The following PPM1E variants were observed in gnomAD, a reference collection of about 807,000 sequenced individuals.
PPM1E encodes protein phosphatase, Mg2+/Mn2+ dependent 1E, also known as protein phosphatase 1E.
PPM1E carries 20 observed loss-of-function variants against 65.9 expected under a neutral mutation model. The ratio of observed to expected loss-of-function variants is 0.30; its 90% CI spans 0.21 to 0.44. PPM1E has a LOEUF of 0.44. PPM1E is among the 20% of genes least tolerant of loss of function. The probability of loss-of-function intolerance (pLI) is 1.00; values close to 1 mark genes in which losing one functional copy is unlikely to be tolerated. For missense variants in PPM1E, 713 were observed against 953.1 expected (o/e 0.75, Z 3.32); for synonymous variants, 352 against 374.9 (o/e 0.94, Z 0.70).
intron 1 of PPM1E, among the ~76,000 whole-genome samples, chr17:58,858,706 A>G (rs2050909203): frequency 6.6e-6 from 1 of 151,974 alleles, no homozygotes; most frequent in South Asian, 2.1e-4. Flanking sequence ...TTCTTTATCT[A>G]TTATCTATTG....
intron 1 of PPM1E, among the ~76,000 whole-genome samples, chr17:58,760,733 T>C (rs900914066): frequency 7.2e-5 from 11 of 152,178 alleles, no homozygotes; most frequent in African/African-American, 1.4e-4. Flanking sequence ...AAATTTCAAA[T>C]GAAGATGCTA....
At chr17:58,815,851 CT>C (rs1326224705) in intron 1 of PPM1E, among the ~76,000 whole-genome samples, 1 of 152,012 alleles carries the variant, frequency 6.6e-6, no homozygotes, top group Admixed American at 6.6e-5. Flanking sequence ...GTCATTTTAA[CT>C]GTGGAATAAA....
intron 1 of PPM1E, among the ~76,000 whole-genome samples, chr17:58,916,349 C>T (rs1034683275): frequency 2.6e-5 from 4 of 152,130 alleles, no homozygotes; most frequent in African/African-American, 9.7e-5. Context: ...TGTCCTGTTT[C>T]CCTGATCCCA....
At chr17:58,928,698 A>G (rs966539919) in intron 1 of PPM1E, among the ~76,000 whole-genome samples, 2 of 148,068 alleles carry the variant, frequency 1.4e-5, no homozygotes, top group Non-Finnish European at 3.0e-5. Context: ...TTACTCACAC[A>G]CGAATTTTTT....
rs565500593 is a variant in PPM1E at position 58,878,817 on chromosome 17, C to T, written c.465-76832C>T. Among the ~76,000 whole-genome samples, 3 of 151,232 alleles carry T rather than the reference C, an allele frequency of 2.0e-5. No homozygotes were observed. The East Asian group carries it at 6.0e-4, about 30-fold the overall frequency. On this transcript the variant is annotated intron_variant, in intron 1 of 6. Coordinates refer to ENST00000308249, the MANE Select transcript of PPM1E (RefSeq NM_014906.5). Reference sequence around the variant, plus strand: ...CGTGGTGGTGCATTGCCTGTAGTCCCAGCTACTCAGGAGGCTGAGGCAGGA... The same window carrying T: ...CGTGGTGGTGCATTGCCTGTAGTCCTAGCTACTCAGGAGGCTGAGGCAGGA...
chr17:58,759,882 T>G (rs1359273297), intron 1 of PPM1E, among the ~76,000 whole-genome samples: 2 of 152,238 alleles, frequency 1.3e-5, no homozygotes, highest in Non-Finnish European at 2.9e-5. Flanking sequence ...ATCATTAAAC[T>G]TTATCTAATT....
At chr17:58,779,843 A>G (rs1157992334) in intron 1 of PPM1E, among the ~76,000 whole-genome samples, 3 of 152,164 alleles carry the variant, frequency 2.0e-5, no homozygotes, top group African/African-American at 4.8e-5. Flanking sequence ...TTTCCTAAAC[A>G]TAATGTGATT....
intron 6 of PPM1E, among the ~76,000 whole-genome samples, chr17:58,979,096 G>A (rs2031207039): frequency 6.6e-6 from 1 of 152,154 alleles, no homozygotes. Flanking sequence ...GTGAGAGGAC[G>A]AAGCTAAGCA....
intron 1 of PPM1E, among the ~76,000 whole-genome samples, chr17:58,888,281 A>G (rs969398821): frequency 3.7e-5 from 5 of 134,740 alleles, no homozygotes; most frequent in African/African-American, 8.7e-5. Flanking sequence ...TATACATACA[A>G]TGAAAACTTC....
chr17:58,816,780 ATATATATATATATATTTTTT>A (rs1434397000), intron 1 of PPM1E, among the ~76,000 whole-genome samples: 11 of 9,106 alleles, frequency 1.2e-3, no homozygotes, highest in East Asian at 6.3e-3. Context: ...ATATATATAT[ATATATATATATATATTTTTT>A]TTTTTTTTTT....
At chr17:58,887,309 C>T (rs1179288216) in intron 1 of PPM1E, among the ~76,000 whole-genome samples, 3 of 151,966 alleles carry the variant, frequency 2.0e-5, no homozygotes, top group African/African-American at 4.8e-5. Context: ...AGATTACAGG[C>T]ATGCGCCACC....
intron 1 of PPM1E, among the ~76,000 whole-genome samples, chr17:58,830,310 A>G (rs1012469952): frequency 6.6e-6 from 1 of 150,706 alleles, no homozygotes; most frequent in Non-Finnish European, 1.5e-5. Context: ...TATTATTATT[A>G]TTATTATTAT....
chr17:58,949,127 C>A (rs540877959), intron 1 of PPM1E, among the ~76,000 whole-genome samples: 1 of 152,318 alleles, frequency 6.6e-6, no homozygotes, highest in East Asian at 1.9e-4. Context: ...GTATTGGCAT[C>A]TGTCTCTTCC....
chr17:58,886,349 A>T (rs865908627), intron 1 of PPM1E, among the ~76,000 whole-genome samples: 1 of 152,214 alleles, frequency 6.6e-6, no homozygotes, highest in African/African-American at 2.4e-5. Context: ...TACACCTGGA[A>T]AAAGTAGTCC....
chr17:58,768,960 C>T (rs1285784889), intron 1 of PPM1E, among the ~76,000 whole-genome samples: 4 of 152,156 alleles, frequency 2.6e-5, no homozygotes, highest in South Asian at 4.1e-4. Context: ...TGAGCCAATG[C>T]GCCTGGCCTA....
intron 1 of PPM1E, among the ~76,000 whole-genome samples, chr17:58,845,670 G>T (rs2050763873): frequency 6.6e-6 from 1 of 151,902 alleles, no homozygotes; most frequent in Non-Finnish European, 1.5e-5. Flanking sequence ...GCATATATTA[G>T]AATTTATTTA....
At chr17:58,822,413 A>C (rs2050490731) in intron 1 of PPM1E, among the ~76,000 whole-genome samples, 1 of 151,700 alleles carries the variant, frequency 6.6e-6, no homozygotes, top group Admixed American at 6.6e-5. Context: ...CCAAAACAAG[A>C]GGGAATACCA....
At chr17:58,927,818 G>A (rs1241413271) in intron 1 of PPM1E, among the ~76,000 whole-genome samples, 1 of 152,068 alleles carries the variant, frequency 6.6e-6, no homozygotes, top group Non-Finnish European at 1.5e-5. Flanking sequence ...CAGCACTTTG[G>A]GAGGCTGAGG....
intron 1 of PPM1E, among the ~76,000 whole-genome samples, chr17:58,893,387 A>G (rs1358172403): frequency 6.6e-6 from 1 of 152,192 alleles, no homozygotes; most frequent in African/African-American, 2.4e-5. Flanking sequence ...TTGCAACTAT[A>G]TAACATACTG....
Sources: allele counts gnomAD v4.1 joint callset (sites outside exome capture counted in the v4.1 genomes callset), GRCh38; gene constraint gnomAD v4.1.1; transcripts MANE v1.5; gene names NCBI Gene and HGNC (gene_info 2026-07-23, HGNC 2026-07-21).